AGBL4: variants seen among roughly 807,000 people sequenced by gnomAD.
AGBL4 encodes cytosolic carboxypeptidase 6.
Under a neutral mutation model 66.4 loss-of-function variants are expected in AGBL4, and 58 were observed. The ratio of observed to expected loss-of-function variants is 0.87; its 90% CI spans 0.71 to 1.09. The LOEUF (loss-of-function observed/expected upper bound fraction) is 1.09, where lower values mean the gene tolerates loss of function less well. AGBL4 is among the 50% of genes least tolerant of loss of function. AGBL4 has a pLI of 0.00. For synonymous variants in AGBL4, 234 were observed against 222.9 expected (o/e 1.05, Z -0.44); for missense variants, 579 against 631.0 (o/e 0.92, Z 0.88).
chr1:49,045,914 G>T (rs574710414), intron 4 of AGBL4, 114 bp from the exon 5 acceptor site: 2 of 862,900 alleles, frequency 2.3e-6, no homozygotes, highest in African/African-American at 1.7e-5. Flanking sequence ...AACCATGGGT[G>T]ATGGGGCTGG....
intron 1 of AGBL4, among the ~76,000 whole-genome samples, chr1:49,869,929 G>A (rs1646797700): frequency 6.6e-6 from 1 of 152,050 alleles, no homozygotes; most frequent in South Asian, 2.1e-4. Flanking sequence ...ATAATTTCTT[G>A]TATATTTCAA....
intron 3 of AGBL4, among the ~76,000 whole-genome samples, chr1:49,285,170 C>G (rs1402643373): frequency 1.3e-5 from 2 of 152,202 alleles, no homozygotes; most frequent in Non-Finnish European, 2.9e-5. Context: ...AACAAACTGT[C>G]TCTCAGACCA....
At chr1:48,662,472 C>T (rs895970713) in intron 7 of AGBL4, among the ~76,000 whole-genome samples, 1 of 152,170 alleles carries the variant, frequency 6.6e-6, no homozygotes, top group Non-Finnish European at 1.5e-5. Context: ...ACCTCATGGT[C>T]ACTTTGAGAT....
At chr1:48,538,110 T>G (rs1644003359) in intron 12 of AGBL4, among the ~76,000 whole-genome samples, 1 of 152,158 alleles carries the variant, frequency 6.6e-6, no homozygotes, top group African/African-American at 2.4e-5. Context: ...CCTAGATGAT[T>G]TAGAAACAAT....
At chr1:49,995,325 A>G in intron 1 of AGBL4, 1 of 453,414 alleles carries the variant, frequency 2.2e-6, no homozygotes, top group Non-Finnish European at 4.4e-6. Context: ...AGTGAAAGTG[A>G]GACCAGCCTT....
chr1:49,545,234 G>A (rs1652378351), intron 3 of AGBL4, among the ~76,000 whole-genome samples: 1 of 152,172 alleles, frequency 6.6e-6, no homozygotes, highest in African/African-American at 2.4e-5. Context: ...ATGTTATGAT[G>A]AAGAAAGCAG....
intron 1 of AGBL4, among the ~76,000 whole-genome samples, chr1:49,892,899 G>T (rs535091790): frequency 6.6e-6 from 1 of 152,072 alleles, no homozygotes; most frequent in East Asian, 1.9e-4. Context: ...GTCTGCTACT[G>T]ACTACTCCTT....
At chr1:49,882,733 G>C (rs1488073682) in intron 1 of AGBL4, among the ~76,000 whole-genome samples, 1 of 152,118 alleles carries the variant, frequency 6.6e-6, no homozygotes, top group East Asian at 1.9e-4. Flanking sequence ...TTTGTACATT[G>C]ATTTTGTATC....
intron 3 of AGBL4, among the ~76,000 whole-genome samples, chr1:49,262,653 C>G (rs1570266275): frequency 2.0e-5 from 3 of 151,964 alleles, no homozygotes; most frequent in East Asian, 3.9e-4. Context: ...AGTCAGGAAA[C>G]AACAGGTGCT....
At chr1:49,319,186 G>A (rs61783592) in intron 3 of AGBL4, among the ~76,000 whole-genome samples, 3,800 of 152,242 alleles carry the variant, frequency 0.025, 145 homozygotes, top group Admixed American at 0.11. Context: ...TGTTACAGAT[G>A]GGTAAGTTGA....
intron 3 of AGBL4, chr1:49,268,249 T>C: frequency 6.6e-6 from 1 of 152,078 alleles, no homozygotes; most frequent in East Asian, 1.9e-4. Flanking sequence ...ATAGGACAGA[T>C]GAAATAACAG....
At chr1:49,554,314 G>A (rs1405837310) in intron 3 of AGBL4, among the ~76,000 whole-genome samples, 1 of 152,122 alleles carries the variant, frequency 6.6e-6, no homozygotes, top group Non-Finnish European at 1.5e-5. Context: ...ATCTCTCCAG[G>A]ACAAGCAATC....
chr1:49,891,425 T>C (rs1002239134), intron 1 of AGBL4, among the ~76,000 whole-genome samples: 1 of 152,210 alleles, frequency 6.6e-6, no homozygotes, highest in African/African-American at 2.4e-5. Context: ...CATTTTCATT[T>C]GTCACAACTG....
In AGBL4 at chr1:49,443,802, A is replaced by T. The variant is rs760693035; in HGVS notation, c.283-197938T>A. ...TTTTATTATATATATATATATTTTTAATTTTGATTTGGGTTTGTTCTTGCT... is the reference window on the plus strand; with the variant it reads ...TTTTATTATATATATATATATTTTTTATTTTGATTTGGGTTTGTTCTTGCT... On this transcript the variant is annotated intron_variant, in intron 3 of 13. Transcript: ENST00000371839. Among the ~76,000 whole-genome samples the T allele has an allele frequency of 1.8e-4, 27 of 150,022 alleles. No individual in the cohort carries two copies. In the Middle Eastern group the frequency reaches 0.014, roughly 77 times the overall value.
At chr1:49,915,563 G>C (rs962839238) in intron 1 of AGBL4, among the ~76,000 whole-genome samples, 4 of 152,200 alleles carry the variant, frequency 2.6e-5, no homozygotes, top group East Asian at 1.9e-4. Flanking sequence ...GCTGAGGCTT[G>C]AGTAGGTAAA....
intron 3 of AGBL4, chr1:49,527,583 C>T (rs1369801691): frequency 6.5e-6 from 1 of 152,794 alleles, no homozygotes; most frequent in Non-Finnish European, 1.5e-5. Context: ...TTAGTTTTCA[C>T]TTCAGTTATC....
intron 5 of AGBL4, among the ~76,000 whole-genome samples, chr1:48,986,624 A>C (rs1342264640): frequency 6.6e-6 from 1 of 152,068 alleles, no homozygotes. Context: ...AGAATTCACT[A>C]CTAGCAGACC....
intron 6 of AGBL4, among the ~76,000 whole-genome samples, chr1:48,709,397 GCTACACAC>G (rs1014412718): frequency 6.6e-6 from 1 of 152,194 alleles, no homozygotes; most frequent in Admixed American, 6.5e-5. Context: ...CAACAGATAT[GCTACACAC>G]CTACACACCG....
chr1:49,552,345 C>T (rs968849075), intron 3 of AGBL4, among the ~76,000 whole-genome samples: 1 of 152,172 alleles, frequency 6.6e-6, no homozygotes, highest in Admixed American at 6.5e-5. Context: ...CAAATTGTTA[C>T]AAAGTTCAGC....
Sources: gnomAD v4.1 joint callset for allele counts (sites outside exome capture counted in the v4.1 genomes callset) on GRCh38, gnomAD v4.1.1 for gene constraint, MANE v1.5 for transcripts, NCBI Gene and HGNC (gene_info 2026-07-23, HGNC 2026-07-21) for gene names.